The following TRAK2 variants were observed in gnomAD, a reference collection of about 807,000 sequenced individuals.
TRAK2 encodes the protein trafficking kinesin-binding protein 2.
Under a neutral mutation model 104.6 loss-of-function variants are expected in TRAK2, and 81 were observed. The observed-to-expected ratio is 0.77, with a 90% CI of 0.65 to 0.93. The LOEUF is 0.93. Among genes scored for constraint, TRAK2 ranks in the 40% least tolerant of loss-of-function variants. The pLI is 0.00. For synonymous variants in TRAK2, 406 were observed against 394.4 expected (o/e 1.03, Z -0.35); for missense variants, 1,002 against 1,089.0 (o/e 0.92, Z 1.12).
rs1295319552 is a variant in TRAK2 at position 201,395,433 on chromosome 2, C to A, written c.781G>T (p.Ala261Ser). The A allele has an allele frequency of 6.5e-7, 1 of 1,534,958 alleles. No homozygotes were observed. Among genetic ancestry groups the A allele is most frequent in the Non-Finnish European group, 8.9e-7 (1 of 1,129,228 alleles). ...TCTTCAGTCATTCTGGACATCTGAGCATTTGTTTCACCTTGGAAGCAAAAA... is the reference window on the plus strand; with the variant it reads ...TCTTCAGTCATTCTGGACATCTGAGAATTTGTTTCACCTTGGAAGCAAAAA... ...DCVKELRETN[A>S]QMSRMTEELS... Residue 261 changes from alanine (A) to serine (S), a missense_variant, in exon 8 of 16, where the codon GCT (alanine) becomes TCT (serine). Ala to Ser is a moderately conservative substitution (Grantham distance 99, BLOSUM62 1). Transcript: ENST00000332624.
chr2:201,387,571 A>T, intron 13 of TRAK2, 132 bp downstream of exon 13: 3 of 929,802 alleles, frequency 3.2e-6, no homozygotes, highest in Non-Finnish European at 4.8e-6. Flanking sequence ...TTGCCACCCA[A>T]ACAGCAAGAT....
At chr2:201,424,360 T>TTA (rs1951768107) in intron 1 of TRAK2, among the ~76,000 whole-genome samples, 1 of 152,148 alleles carries the variant, frequency 6.6e-6, no homozygotes, top group Non-Finnish European at 1.5e-5. Context: ...AGACCTAGAT[T>TTA]TATAGTTTAG....
At position 201,397,530 on chromosome 2, in the gene TRAK2, C is replaced by T. The variant is rs755698330; in HGVS notation, c.741G>A (p.Gln247=). 2.5e-6 allele frequency: 4 copies of T among 1,612,832 alleles called. No homozygotes were observed. In the South Asian group the frequency reaches 4.4e-5, roughly 18 times the overall value. Residue 247 remains glutamine, a synonymous_variant, in exon 7 of 16, where the codon CAG becomes CAA. Coordinates refer to ENST00000332624, the MANE Select transcript of TRAK2 (RefSeq NM_015049.3). ...ETVTYEEKEQ[Q]LVSDCVKELR... ...GTTCTTTAACACAGTCGCTGACAAGCTGTTGTTCCTTTTCTTCATAGGTAA... is the reference window on the plus strand; with the variant it reads ...GTTCTTTAACACAGTCGCTGACAAGTTGTTGTTCCTTTTCTTCATAGGTAA...
chr2:201,411,066 A>C, intron 2 of TRAK2: 1 of 1,183,436 alleles, frequency 8.4e-7, no homozygotes, highest in Non-Finnish European at 1.3e-6. Context: ...AGAAAACATC[A>C]TGTCAATGCC....
intron 1 of TRAK2, among the ~76,000 whole-genome samples, chr2:201,421,142 A>G (rs1349583494): frequency 1.3e-5 from 2 of 152,222 alleles, no homozygotes; most frequent in Non-Finnish European, 2.9e-5. Context: ...ATAACTGTTT[A>G]AAGTAATACA....
chr2:201,416,285 G>T (rs1055866075), intron 2 of TRAK2, among the ~76,000 whole-genome samples: 2 of 151,066 alleles, frequency 1.3e-5, no homozygotes, highest in Non-Finnish European at 2.9e-5. Flanking sequence ...ACATGCCTGT[G>T]GTCCAAGCTA....
At chr2:201,387,625 AG>A in intron 13 of TRAK2, 77 bp downstream of exon 13, 1 of 1,401,314 alleles carries the variant, frequency 7.1e-7, no homozygotes, top group East Asian at 2.3e-5. Context: ...CCTATAATTA[AG>A]ACACAAATCT....
chr2:201,450,448 C>T (rs1000025372), intron 1 of TRAK2, among the ~76,000 whole-genome samples: 31 of 151,994 alleles, frequency 2.0e-4, no homozygotes, highest in African/African-American at 7.2e-4. Context: ...GGAATAACTG[C>T]TAGGATGATA....
chr2:201,399,111 G>A (rs1440918313), intron 5 of TRAK2, among the ~76,000 whole-genome samples: 2 of 152,056 alleles, frequency 1.3e-5, no homozygotes, highest in African/African-American at 4.8e-5. Flanking sequence ...AAAAGGGTAT[G>A]GATAGTTTTA....
chr2:201,386,715 G>A (rs1951394610), intron 13 of TRAK2, among the ~76,000 whole-genome samples: 1 of 152,006 alleles, frequency 6.6e-6, no homozygotes, highest in African/African-American at 2.4e-5. Context: ...ACCTAAAGGG[G>A]TGAAAAAAAA....
intron 2 of TRAK2, chr2:201,411,584 G>A: frequency 1.3e-6 from 1 of 774,694 alleles, no homozygotes; most frequent in Non-Finnish European, 2.4e-6. Context: ...GATTAAGATT[G>A]TTTTCAATAC....
At chr2:201,410,852 T>C (rs568879165) in intron 2 of TRAK2, 2 of 1,597,914 alleles carry the variant, frequency 1.3e-6, no homozygotes, top group Middle Eastern at 1.7e-4. Flanking sequence ...TGGGTTGGCT[T>C]CGCACCAGCA....
intron 1 of TRAK2, among the ~76,000 whole-genome samples, chr2:201,449,961 G>A (rs1460981892): frequency 6.6e-6 from 1 of 151,954 alleles, no homozygotes; most frequent in Non-Finnish European, 1.5e-5. Flanking sequence ...CCAAAGTGCT[G>A]GGATTACAGG....
chr2:201,412,155 A>C lies in TRAK2; in HGVS notation c.92-4558T>G, dbSNP rs1240517284. The C allele has an allele frequency of 6.1e-6, 6 of 987,068 alleles. No individual in the cohort carries two copies. In the East Asian group the frequency reaches 1.4e-4, roughly 23 times the overall value. 61.1% of individuals were successfully genotyped at this position (987,068 alleles called of 1,614,324 possible). A position where few individuals can be genotyped will look rare whatever the true frequency, so the allele number is the denominator to read the frequency against. ...TCAACGATCAGTAGAACACTGGGCA[A>C]AACAAAAGGTACCATGTCAGGGTTT... On this transcript the variant is annotated intron_variant, in intron 2 of 15. Transcript: ENST00000332624.
In TRAK2 at chr2:201,451,424, C is replaced by G. The variant is rs1047124050; in HGVS notation, c.-274G>C. The G allele has an allele frequency of 3.9e-5, 6 of 152,162 alleles. No homozygotes were observed. 9.4% of individuals were successfully genotyped at this position (152,162 alleles called of 1,614,324 possible). ...CCCTAATGCAGCGGCAGCCTGAAAGCAGCAGCCGAAGCTGCTGCCGCTGCT... is the reference window on the plus strand; with the variant it reads ...CCCTAATGCAGCGGCAGCCTGAAAGGAGCAGCCGAAGCTGCTGCCGCTGCT... On this transcript the variant is annotated 5_prime_UTR_variant, in exon 1 of 16. Transcript: ENST00000332624.
At chr2:201,407,276 C>T in intron 3 of TRAK2, 127 bp downstream of exon 3, 1 of 754,586 alleles carries the variant, frequency 1.3e-6, no homozygotes, top group Non-Finnish European at 2.1e-6. Context: ...CCTGTGAAAT[C>T]AGTTCAAATA....
intron 3 of TRAK2, among the ~76,000 whole-genome samples, chr2:201,403,294 G>C (rs1041103956): frequency 2.0e-5 from 3 of 152,144 alleles, no homozygotes; most frequent in African/African-American, 7.2e-5. Context: ...TTTCTTGTAT[G>C]AGGAATCTTC....
Position 201,384,101 on chromosome 2 carries a change from G to A in TRAK2, c.2069+10C>T, listed in dbSNP as rs777728238. The A allele has an allele frequency of 6.4e-7, 1 of 1,571,688 alleles. No individual in the cohort carries two copies. Among genetic ancestry groups the A allele is most frequent in the East Asian group, 2.3e-5 (1 of 44,160 alleles). ...AGAAGTGAGGCCCCAGATTTCCCAG[G>A]CACTCTTACCTGGGGGTAACCTGAG... On this transcript the variant is annotated intron_variant, in intron 15 of 15. Transcript: ENST00000332624.
At chr2:201,425,573 T>G (rs1951780349) in intron 1 of TRAK2, among the ~76,000 whole-genome samples, 1 of 151,958 alleles carries the variant, frequency 6.6e-6, no homozygotes, top group Admixed American at 6.6e-5. Context: ...GCTAATTTTT[T>G]TATTTTTAGT....
Sources: allele counts gnomAD v4.1 joint callset (sites outside exome capture counted in the v4.1 genomes callset), GRCh38; gene constraint gnomAD v4.1.1; transcripts MANE v1.5; gene names NCBI Gene and HGNC (gene_info 2026-07-23, HGNC 2026-07-21).